Variants in RAD17 observed in about 807,000 individuals in gnomAD.
RAD17 encodes cell cycle checkpoint protein RAD17.
A neutral mutation model predicts 81.5 loss-of-function variants in RAD17; 31 were observed. The observed-to-expected ratio is 0.38, with a 90% CI of 0.29 to 0.51. The LOEUF is 0.51. RAD17 is among the 20% of genes least tolerant of loss of function. The probability of loss-of-function intolerance (pLI) is 0.88; values close to 1 mark genes in which losing one functional copy is unlikely to be tolerated. For missense variants in RAD17, 681 were observed against 781.2 expected (o/e 0.87, Z 1.53); for synonymous variants, 261 against 266.2 (o/e 0.98, Z 0.19).
intron 6 of RAD17, among the ~76,000 whole-genome samples, chr5:69,374,963 C>T (rs1488360719): frequency 6.6e-6 from 1 of 152,098 alleles, no homozygotes; most frequent in Admixed American, 6.6e-5. Flanking sequence ...GTCTCTACAG[C>T]TAATTAGCTG....
chr5:69,381,655 A>C (rs1763866794), intron 6 of RAD17, among the ~76,000 whole-genome samples: 1 of 152,154 alleles, frequency 6.6e-6, no homozygotes, highest in Non-Finnish European at 1.5e-5. Flanking sequence ...TTGAAGAATT[A>C]AGATTCTCTT....
At chr5:69,413,665 G>A (rs1327864996) in intron 18 of RAD17, among the ~76,000 whole-genome samples, 1 of 152,100 alleles carries the variant, frequency 6.6e-6, no homozygotes, top group East Asian at 1.9e-4. Flanking sequence ...CTCCTGAGTA[G>A]CTGGGATTAC....
intron 12 of RAD17, among the ~76,000 whole-genome samples, chr5:69,390,864 G>C (rs1236326478): frequency 6.6e-6 from 1 of 151,580 alleles, no homozygotes; most frequent in Non-Finnish European, 1.5e-5. Context: ...TGAGGTGGGA[G>C]GATCACTTGA....
At chr5:69,409,188 A>C (rs1421464759) in intron 17 of RAD17, among the ~76,000 whole-genome samples, 1 of 152,256 alleles carries the variant, frequency 6.6e-6, no homozygotes, top group African/African-American at 2.4e-5. Context: ...CTGCAGAGGT[A>C]GCCTCTGATT....
chr5:69,405,707 A>G (rs369361830), intron 17 of RAD17, among the ~76,000 whole-genome samples: 141 of 151,668 alleles, frequency 9.3e-4, no homozygotes, highest in African/African-American at 3.2e-3. Context: ...TAGAACTACC[A>G]TATGATCCAG....
Position 69,385,029 on chromosome 5 carries a change from A to G in RAD17, c.645+96A>G, listed in dbSNP as rs182182718. 7,442 of 1,062,356 alleles carry G rather than the reference A, an allele frequency of 7.0e-3. 31 individuals are homozygous for G. The highest frequency in any genetic ancestry group is 0.011 in the South Asian group (598 of 55,976). The allele number at this position is 1,062,356 out of a possible 1,614,324, so 65.8% of individuals were successfully genotyped here. On this transcript the variant is annotated intron_variant, in intron 8 of 18. Coordinates refer to ENST00000354868, the MANE Select transcript of RAD17 (RefSeq NM_133338.3). ...GGCTGGAGTGCAGTGGCGCGATCTC[A>G]GCTCATTGCAAGCTCTGCCTCCCAG...
At chr5:69,377,439 GTATATATATATATATATA>G (rs373632198) in intron 6 of RAD17, among the ~76,000 whole-genome samples, 786 of 55,466 alleles carry the variant, frequency 0.014, 36 homozygotes, top group Middle Eastern at 0.033. Context: ...GTGTGTGTGT[GTATATATATATATATATA>G]TATATATATA....
Position 69,381,798 on chromosome 5 carries a change from C to G in RAD17, c.352-103C>G, listed in dbSNP as rs1158322569. The G allele has an allele frequency of 3.6e-6, 3 of 828,574 alleles. No homozygotes were observed. In the East Asian group the frequency reaches 8.5e-5, roughly 23 times the overall value. The allele number at this position is 828,574 out of a possible 1,614,324, so 51.3% of individuals were successfully genotyped here. A position where few individuals can be genotyped will look rare whatever the true frequency, so the allele number is the denominator to read the frequency against. On this transcript the variant is annotated intron_variant, in intron 6 of 18. Transcript: ENST00000354868. The stretch of plus-strand genomic sequence containing the variant: ...TAATGTGCTTATATGAGACATTCAG[C>G]AAATATTTATAGAAGTAAATATATT...
In RAD17 at chr5:69,414,500, G is replaced by T. The variant is rs1766258238; in HGVS notation, c.*208G>T. The T allele has an allele frequency of 1.5e-6, 1 of 656,356 alleles. No individual in the cohort carries two copies. 40.7% of individuals were successfully genotyped at this position (656,356 alleles called of 1,614,324 possible). A position where few individuals can be genotyped will look rare whatever the true frequency, so the allele number is the denominator to read the frequency against. On this transcript the variant is annotated 3_prime_UTR_variant, in exon 19 of 19. Coordinates refer to ENST00000354868, the MANE Select transcript of RAD17 (RefSeq NM_133338.3). ...GCCTTCAAATCTCTTAATTTTTTCG[G>T]TATTTATTAAATCTGTGAGTGGTTT...
chr5:69,383,700 T>A (rs2150806211), intron 7 of RAD17, among the ~76,000 whole-genome samples: 1 of 152,292 alleles, frequency 6.6e-6, no homozygotes, highest in African/African-American at 2.4e-5. Context: ...ATCATTTTTT[T>A]AAGAGAGAAA....
At position 69,400,295 on chromosome 5, in the gene RAD17, G is replaced by A. The variant is rs546393989; in HGVS notation, c.1693+126G>A. On this transcript the variant is annotated intron_variant, in intron 17 of 18. Coordinates refer to ENST00000354868, the MANE Select transcript of RAD17 (RefSeq NM_133338.3). ...TGCGGTGGCACGATCTCGGCTCACT[G>A]CAACCTCTGCCTCCTGGGTTCAAGC... is the stretch of plus-strand genomic sequence containing the variant. 9 of 557,452 alleles carry A rather than the reference G, an allele frequency of 1.6e-5. No individual in the cohort carries two copies. In the East Asian group the frequency reaches 3.5e-4, roughly 22 times the overall value. The allele number at this position is 557,452 out of a possible 1,614,324, so 34.5% of individuals were successfully genotyped here.
chr5:69,374,305 C>T (rs770462545), intron 5 of RAD17, among the ~76,000 whole-genome samples: 1 of 151,996 alleles, frequency 6.6e-6, no homozygotes, highest in Non-Finnish European at 1.5e-5. Context: ...AATTTAATCC[C>T]AACATAGAAT....
rs17229845 is a variant in RAD17 at position 69,374,924 on chromosome 5, G to A, written c.351+213G>A. On this transcript the variant is annotated intron_variant, in intron 6 of 18. Transcript: ENST00000354868. ...GAGGATCACTTGAGCCCAGGAGTTC[G>A]AGAGCAGCCTGGGCAACATAGGGAG... is the stretch of plus-strand genomic sequence containing the variant. Among the ~76,000 whole-genome samples, 660 of 152,216 alleles carry A rather than the reference G, an allele frequency of 4.3e-3. 2 individuals are homozygous for A. Among genetic ancestry groups the A allele is most frequent in the Non-Finnish European group, 6.8e-3 (464 of 68,014 alleles).
At chr5:69,369,706 C>T, upstream of RAD17, 1 of 1,551,958 alleles carries the variant, frequency 6.4e-7, no homozygotes, top group South Asian at 1.2e-5. Context: ...GTGGGCATAA[C>T]TCGGGTCGGT....
chr5:69,396,642 A>G (rs1764912803), intron 16 of RAD17, 96 bp downstream of exon 16: 1 of 1,237,540 alleles, frequency 8.1e-7, no homozygotes, highest in Non-Finnish European at 1.1e-6. Flanking sequence ...AAACATAACA[A>G]AGGAAAAAAT....
chr5:69,413,510 T>TGG (rs1766154882), intron 18 of RAD17, among the ~76,000 whole-genome samples: 1 of 152,166 alleles, frequency 6.6e-6, no homozygotes, highest in Non-Finnish European at 1.5e-5. Flanking sequence ...GTTTTTGTTG[T>TGG]TGTGGTTTGG....
chr5:69,398,531 G>T (rs1056846007), intron 16 of RAD17, among the ~76,000 whole-genome samples: 6 of 152,104 alleles, frequency 3.9e-5, no homozygotes, highest in African/African-American at 1.2e-4. Context: ...TTTCGGCTGG[G>T]CGCTGTGACT....
chr5:69,404,546 T>C (rs1456878204), intron 17 of RAD17, among the ~76,000 whole-genome samples: 2 of 151,816 alleles, frequency 1.3e-5, no homozygotes, highest in East Asian at 3.9e-4. Flanking sequence ...GGTGGGTGGA[T>C]CGCCTGAGGT....
chr5:69,379,382 G>A (rs1763707069), intron 6 of RAD17, among the ~76,000 whole-genome samples: 1 of 152,154 alleles, frequency 6.6e-6, no homozygotes, highest in South Asian at 2.1e-4. Flanking sequence ...GACAGTCTAA[G>A]GACATTACTG....
Sources: gnomAD v4.1 joint callset for allele counts (sites outside exome capture counted in the v4.1 genomes callset) on GRCh38, gnomAD v4.1.1 for gene constraint, MANE v1.5 for transcripts, NCBI Gene and HGNC (gene_info 2026-07-23, HGNC 2026-07-21) for gene names.